ST8SIA1: variants seen among roughly 807,000 people sequenced by gnomAD.
The protein encoded by ST8SIA1 is ST8 alpha-N-acetyl-neuraminide alpha-2,8-sialyltransferase 1.
ST8SIA1 carries 16 observed loss-of-function variants against 35.9 expected under a neutral mutation model. The observed-to-expected ratio is 0.45, with a 90% CI of 0.30 to 0.68. The LOEUF is 0.68. Among genes scored for constraint, ST8SIA1 ranks in the 30% least tolerant of loss-of-function variants. The pLI is 0.09. For missense variants in ST8SIA1, 383 were observed against 453.6 expected (o/e 0.84, Z 1.41); for synonymous variants, 170 against 169.6 (o/e 1.00, Z -0.02).
chr12:22,232,614 T>G (rs60517066), intron 4 of ST8SIA1, among the ~76,000 whole-genome samples: 1,773 of 152,182 alleles, frequency 0.012, 41 homozygotes, highest in African/African-American at 0.041. Flanking sequence ...GAGTACAAAT[T>G]TAAGAGTCAT....
chr12:22,303,097 C>G (rs1400402218), intron 1 of ST8SIA1, among the ~76,000 whole-genome samples: 1 of 152,116 alleles, frequency 6.6e-6, no homozygotes, highest in Non-Finnish European at 1.5e-5. Flanking sequence ...TGAAACCTGT[C>G]TCAGATATTC....
intron 1 of ST8SIA1, among the ~76,000 whole-genome samples, chr12:22,316,880 G>C (rs1017989837): frequency 1.3e-5 from 2 of 152,002 alleles, no homozygotes; most frequent in African/African-American, 4.8e-5. Context: ...CTATATATTG[G>C]CAAAATTGTT....
At chr12:22,256,322 A>G (rs904744237) in intron 2 of ST8SIA1, among the ~76,000 whole-genome samples, 1 of 152,186 alleles carries the variant, frequency 6.6e-6, no homozygotes, top group African/African-American at 2.4e-5. Context: ...CTGAAGTGCT[A>G]TTTATAGTAT....
intron 2 of ST8SIA1, among the ~76,000 whole-genome samples, chr12:22,258,664 CA>C (rs1865754063): frequency 6.6e-6 from 1 of 152,156 alleles, no homozygotes. Flanking sequence ...TATACATGCA[CA>C]TTTGCATATT....
chr12:22,263,246 G>A (rs1342560986), intron 2 of ST8SIA1, among the ~76,000 whole-genome samples: 4 of 152,166 alleles, frequency 2.6e-5, no homozygotes, highest in Non-Finnish European at 4.4e-5. Flanking sequence ...AGGAGTCTCC[G>A]TGTTTTAAGT....
In ST8SIA1 at chr12:22,321,019, AAAGAAAGAAAGAAAGAGAAAGAG is replaced by A. The variant is rs1565596068; in HGVS notation, c.236+12955_236+12977del. On this transcript the variant is annotated intron_variant, in intron 1 of 4. Transcript: ENST00000396037. ...AGAAAGAAAGAAGAAAGAAAGAAAG[AAAGAAAGAAAGAAAGAGAAAGAG>A]AAAGAAAAGAAAAGGAAGAGTCTGC... Among the ~76,000 whole-genome samples, 792 of 93,474 alleles carry A rather than the reference AAAGAAAGAAAGAAAGAGAAAGAG, an allele frequency of 8.5e-3. 10 individuals are homozygous for A. The highest frequency in any genetic ancestry group is 0.018 in the South Asian group (41 of 2,258). The allele number at this position is 93,474 out of a possible 152,430, so 61.3% of individuals were successfully genotyped here.
intron 2 of ST8SIA1, among the ~76,000 whole-genome samples, chr12:22,261,047 T>C (rs1865785544): frequency 6.6e-6 from 1 of 151,894 alleles, no homozygotes; most frequent in Admixed American, 6.6e-5. Flanking sequence ...TGGCTAATTT[T>C]TGTTTTTTGT....
At chr12:22,318,902 C>T (rs924100930) in intron 1 of ST8SIA1, among the ~76,000 whole-genome samples, 1 of 152,218 alleles carries the variant, frequency 6.6e-6, no homozygotes, top group Non-Finnish European at 1.5e-5. Flanking sequence ...CAGAGCCAGA[C>T]AGACCATTTT....
At chr12:22,285,876 AC>A (rs1411763817) in intron 2 of ST8SIA1, among the ~76,000 whole-genome samples, 27 of 136,890 alleles carry the variant, frequency 2.0e-4, no homozygotes, top group African/African-American at 3.7e-4. Context: ...TCTGTCAAAA[AC>A]AAAAAAAAAA....
intron 2 of ST8SIA1, among the ~76,000 whole-genome samples, chr12:22,264,867 G>A (rs1340278441): frequency 2.6e-5 from 4 of 152,188 alleles, no homozygotes; most frequent in Admixed American, 2.0e-4. Context: ...GATAGCTTCA[G>A]TGTTATGCTT....
intron 3 of ST8SIA1, among the ~76,000 whole-genome samples, chr12:22,252,168 T>C (rs1051534204): frequency 6.6e-6 from 1 of 152,212 alleles, no homozygotes; most frequent in Non-Finnish European, 1.5e-5. Context: ...AAGAAAATTA[T>C]GAAATTATTA....
At chr12:22,321,956 T>C (rs1182517617) in intron 1 of ST8SIA1, among the ~76,000 whole-genome samples, 5 of 152,238 alleles carry the variant, frequency 3.3e-5, no homozygotes, top group Admixed American at 6.5e-5. Flanking sequence ...TACCAGTAAT[T>C]GAGCTTTGTG....
intron 4 of ST8SIA1, among the ~76,000 whole-genome samples, chr12:22,223,034 T>C (rs932350579): frequency 6.6e-6 from 1 of 152,240 alleles, no homozygotes; most frequent in Admixed American, 6.5e-5. Context: ...TATTTTCTTT[T>C]CATTCATGTC....
chr12:22,273,532 ACTT>A (rs1655256993), intron 2 of ST8SIA1, among the ~76,000 whole-genome samples: 1 of 152,104 alleles, frequency 6.6e-6, no homozygotes, highest in South Asian at 2.1e-4. Flanking sequence ...CTGTGTGCCT[ACTT>A]CTTCCTGGTC....
chr12:22,219,044 T>C (rs1865266853), intron 4 of ST8SIA1, among the ~76,000 whole-genome samples: 1 of 152,136 alleles, frequency 6.6e-6, no homozygotes, highest in South Asian at 2.1e-4. Context: ...ATCTTTATTT[T>C]ATGACAAAGA....
rs1427174375 is a variant in ST8SIA1, at chr12:22,200,567, A to G, written c.*985T>C. 5.3e-5 allele frequency: 8 copies of G among 152,264 alleles called. No homozygotes were observed. In the East Asian group the frequency reaches 1.3e-3, roughly 26 times the overall value. The allele number at this position is 152,264 out of a possible 1,614,324, so 9.4% of individuals were successfully genotyped here. ...GCTCAATTCATTCTTGCATGTATGC[A>G]TACATGTCCTTTACCTTGCAGTGAA... On this transcript the variant is annotated 3_prime_UTR_variant, in exon 5 of 5. Transcript: ENST00000396037.
Position 22,321,003 on chromosome 12 carries a change from GAAGA to G in ST8SIA1, c.236+12990_236+12993del, listed in dbSNP as rs1555162777. On this transcript the variant is annotated intron_variant, in intron 1 of 4. Transcript: ENST00000396037. ...AGAAAGAAAGAAAGAAAGAAAGAAA[GAAGA>G]AAGAAAGAAAGAAAGAAAGAAAGAA... is the stretch of plus-strand genomic sequence containing the variant. Among the ~76,000 whole-genome samples the G allele has an allele frequency of 2.5e-3, 195 of 76,630 alleles. 2 individuals carry two copies. The highest frequency in any genetic ancestry group is 6.4e-3 in the Middle Eastern group (1 of 156). The allele number at this position is 76,630 out of a possible 152,430, so 50.3% of individuals were successfully genotyped here. A position where few individuals can be genotyped will look rare whatever the true frequency, so the allele number is the denominator to read the frequency against.
At position 22,269,900 on chromosome 12, in the gene ST8SIA1, T is replaced by A. The variant is rs1354385689; in HGVS notation, c.382-14511A>T. Among the ~76,000 whole-genome samples the A allele has an allele frequency of 2.0e-5, 3 of 152,294 alleles. No homozygotes were observed. In the East Asian group the frequency reaches 5.8e-4, roughly 29 times the overall value. On this transcript the variant is annotated intron_variant, in intron 2 of 4. Coordinates refer to ENST00000396037, the MANE Select transcript of ST8SIA1 (RefSeq NM_003034.4). Reference sequence around the variant, plus strand: ...TGTACAGTTAATTCTTTAAGATAAATCCTTAAATATGGAATTGTTAGGTTT... The same window carrying A: ...TGTACAGTTAATTCTTTAAGATAAAACCTTAAATATGGAATTGTTAGGTTT...
At chr12:22,205,589 A>T (rs1325549903) in intron 4 of ST8SIA1, among the ~76,000 whole-genome samples, 3 of 152,156 alleles carry the variant, frequency 2.0e-5, no homozygotes, top group Non-Finnish European at 4.4e-5. Context: ...ACTTCACGAG[A>T]CAATTACCAA....
Sources: gnomAD v4.1 joint callset for allele counts (sites outside exome capture counted in the v4.1 genomes callset) on GRCh38, gnomAD v4.1.1 for gene constraint, MANE v1.5 for transcripts, NCBI Gene and HGNC (gene_info 2026-07-23, HGNC 2026-07-21) for gene names.